NEK4: variants seen among roughly 807,000 people sequenced by gnomAD.
The protein encoded by NEK4 is serine/threonine-protein kinase Nek4.
In NEK4, 86 loss-of-function variants were observed where a neutral mutation model predicts 98.4. That is an observed-to-expected ratio of 0.87 (90% CI 0.73 to 1.05). NEK4 has a LOEUF of 1.05. Ranked by LOEUF, NEK4 falls within the 50% of genes least tolerant of loss-of-function variation. The pLI, the probability that NEK4 is intolerant of heterozygous loss-of-function variation, is 0.00. For missense variants in NEK4, 898 were observed against 950.3 expected (o/e 0.94, Z 0.72); for synonymous variants, 328 against 342.2 (o/e 0.96, Z 0.46).
intron 4 of NEK4, among the ~76,000 whole-genome samples, chr3:52,763,980 T>C (rs913356231): frequency 1.3e-5 from 2 of 152,234 alleles, no homozygotes; most frequent in Non-Finnish European, 2.9e-5. Context: ...TAAATTATCA[T>C]GCATTCTTCT....
chr3:52,750,880 G>T (rs2097403802), intron 7 of NEK4, among the ~76,000 whole-genome samples: 1 of 152,170 alleles, frequency 6.6e-6, no homozygotes, highest in South Asian at 2.1e-4. Flanking sequence ...GCAGTGAGCT[G>T]TGTTTGCACC....
intron 15 of NEK4, among the ~76,000 whole-genome samples, chr3:52,736,360 G>A (rs1235879803): frequency 6.6e-6 from 1 of 152,172 alleles, no homozygotes; most frequent in Non-Finnish European, 1.5e-5. Flanking sequence ...GCCGAGGTGG[G>A]CAGATCATGA....
chr3:52,730,117 A>G (rs1376142012), intron 15 of NEK4, among the ~76,000 whole-genome samples: 2 of 152,188 alleles, frequency 1.3e-5, no homozygotes, highest in Non-Finnish European at 2.9e-5. Context: ...AAAAATAAAT[A>G]AATAAAATAA....
rs1319862563 is a variant in NEK4 at position 52,709,360 on chromosome 3, GAAGAA to G, written c.*2412_*2416del. ...ACTCAAGTAAAAACGATAAAAGTGG[GAAGAA>G]AAGATGTTTAAACAAAATAAAAATA... On this transcript the variant is annotated 3_prime_UTR_variant, in exon 16 of 16. Coordinates refer to ENST00000233027, the MANE Select transcript of NEK4 (RefSeq NM_003157.6). The G allele has an allele frequency of 6.6e-6, 1 of 151,956 alleles. No homozygotes were observed. Among genetic ancestry groups the G allele is most frequent in the African/African-American group, 2.4e-5 (1 of 41,332 alleles). 9.4% of individuals were successfully genotyped at this position (151,956 alleles called of 1,614,324 possible). A position where few individuals can be genotyped will look rare whatever the true frequency, so the allele number is the denominator to read the frequency against.
At chr3:52,744,918 T>C (rs1170318301) in intron 10 of NEK4, among the ~76,000 whole-genome samples, 2 of 151,390 alleles carry the variant, frequency 1.3e-5, no homozygotes, top group Admixed American at 1.3e-4. Context: ...GGAATCTACT[T>C]GGTTTCTTTT....
At chr3:52,753,693 C>T in intron 6 of NEK4, 1 of 578,574 alleles carries the variant, frequency 1.7e-6, no homozygotes. Context: ...GAGCCTGTCC[C>T]AGCAGCACAG....
intron 13 of NEK4, among the ~76,000 whole-genome samples, chr3:52,741,044 C>T (rs112242273): frequency 0.033 from 5,023 of 151,716 alleles, 116 homozygotes; most frequent in Non-Finnish European, 0.051. Flanking sequence ...ACCATCCTGG[C>T]TAACACGGTG....
intron 15 of NEK4, among the ~76,000 whole-genome samples, chr3:52,713,460 C>T (rs2097352230): frequency 7.5e-6 from 1 of 132,616 alleles, no homozygotes; most frequent in Non-Finnish European, 1.7e-5. Context: ...TTATTCTATG[C>T]TGCAAAAAAT....
intron 15 of NEK4, among the ~76,000 whole-genome samples, chr3:52,712,974 G>A (rs2097351864): frequency 6.6e-6 from 1 of 152,142 alleles, no homozygotes; most frequent in Non-Finnish European, 1.5e-5. Context: ...ATTTGGGCAC[G>A]AACCAGCAGT....
chr3:52,741,336 C>A, intron 13 of NEK4, 75 bp downstream of exon 13: 1 of 815,626 alleles, frequency 1.2e-6, no homozygotes. Flanking sequence ...GATCTAAATA[C>A]TACTGAAAAT....
intron 6 of NEK4, among the ~76,000 whole-genome samples, chr3:52,757,555 CAAAAAA>C (rs541943769): frequency 1.4e-5 from 1 of 72,206 alleles, no homozygotes; most frequent in African/African-American, 4.0e-5. Context: ...GACTCCGTCT[CAAAAAA>C]AAAAAAAAAA....
At chr3:52,726,810 C>G (rs796271003) in intron 15 of NEK4, among the ~76,000 whole-genome samples, 3 of 151,262 alleles carry the variant, frequency 2.0e-5, no homozygotes, top group East Asian at 4.0e-4. Flanking sequence ...AAGGCTGAGG[C>G]AGAGAACTGC....
chr3:52,743,217 C>A lies in NEK4; in HGVS notation c.2004+135G>T, dbSNP rs2097389698. ...TTGACTATTATTTACCAGTTCCTTT[C>A]TTTATCAAGAGTGAAAAGATATAAC... On this transcript the variant is annotated intron_variant, in intron 12 of 15. Coordinates refer to ENST00000233027, the MANE Select transcript of NEK4 (RefSeq NM_003157.6). 4 of 682,614 alleles carry A rather than the reference C, an allele frequency of 5.9e-6. No individual in the cohort carries two copies. The South Asian group carries it at 7.3e-5, about 13-fold the overall frequency. 42.3% of individuals were successfully genotyped at this position (682,614 alleles called of 1,614,324 possible).
At chr3:52,727,705 A>G (rs1413377449) in intron 15 of NEK4, among the ~76,000 whole-genome samples, 2 of 152,074 alleles carry the variant, frequency 1.3e-5, no homozygotes, top group Non-Finnish European at 2.9e-5. Context: ...TCCTGACCTC[A>G]AGTGATCCAC....
chr3:52,767,323 A>C (rs1279637252), intron 2 of NEK4, among the ~76,000 whole-genome samples: 4 of 152,248 alleles, frequency 2.6e-5, no homozygotes, highest in South Asian at 4.1e-4. Flanking sequence ...TGATGGTAGG[A>C]CAACTTATAC....
intron 10 of NEK4, 139 bp from the exon 11 acceptor site, chr3:52,744,444 G>C (rs954814713): frequency 3.8e-5 from 27 of 711,238 alleles, no homozygotes; most frequent in Non-Finnish European, 6.5e-5. Context: ...CCAGCACTCT[G>C]GGAGGCTGGG....
chr3:52,764,602 G>C (rs1300919876), intron 4 of NEK4, among the ~76,000 whole-genome samples: 2 of 151,808 alleles, frequency 1.3e-5, no homozygotes, highest in Admixed American at 6.6e-5. Flanking sequence ...CTGCACTCCA[G>C]TCTGGGCAAC....
chr3:52,752,931 T>TAAACACACACACACACACACAC (rs1193888628), intron 6 of NEK4, among the ~76,000 whole-genome samples: 1 of 56,146 alleles, frequency 1.8e-5, no homozygotes. Context: ...TATATATATA[T>TAAACACACACACACACACACAC]ATACACACAC....
chr3:52,760,268 G>A (rs924318608), intron 6 of NEK4, among the ~76,000 whole-genome samples: 5 of 151,934 alleles, frequency 3.3e-5, no homozygotes, highest in East Asian at 3.9e-4. Flanking sequence ...CCAGGCTGGA[G>A]TGCAGTAGTG....
Sources: allele counts gnomAD v4.1 joint callset (sites outside exome capture counted in the v4.1 genomes callset), GRCh38; gene constraint gnomAD v4.1.1; transcripts MANE v1.5; gene names NCBI Gene and HGNC (gene_info 2026-07-23, HGNC 2026-07-21).